RALYL: variants seen among roughly 807,000 people sequenced by gnomAD.
RALYL encodes RALY RNA binding protein like.
RALYL carries 29 observed loss-of-function variants against 35.1 expected under a neutral mutation model. That is an observed-to-expected ratio of 0.83 (90% confidence interval 0.61 to 1.13). The LOEUF (loss-of-function observed/expected upper bound fraction) is 1.13. RALYL is among the 50% of genes most tolerant of loss of function. The pLI is 0.00. For missense variants in RALYL, 359 were observed against 360.4 expected, an observed-to-expected ratio of 1.00 and a Z score of 0.03; for synonymous variants, 120 against 127.6, an observed-to-expected ratio of 0.94 and a Z score of 0.40.
In RALYL at chr8:84,771,295, T is replaced by C. The variant is rs574707885; in HGVS notation, c.257-3284T>C. 2.0e-5 allele frequency among the ~76,000 whole-genome samples: 3 copies of C among 152,204 alleles called. No homozygotes were observed. In the East Asian group the frequency reaches 5.8e-4, roughly 29 times the overall value. The stretch of plus-strand genomic sequence containing the variant: ...TGGTAAATATGCTACCATTTGTTTA[T>C]CCTATTAAAAATACAATGGGTATTT... On this transcript the variant is annotated intron_variant, in intron 2 of 8. Transcript: ENST00000521268.
intron 1 of RALYL, among the ~76,000 whole-genome samples, chr8:84,254,993 C>T (rs930762881): frequency 6.6e-6 from 1 of 152,006 alleles, no homozygotes; most frequent in South Asian, 2.1e-4. Flanking sequence ...ATCTCCACCT[C>T]GTCTCTCCCT....
intron 4 of RALYL, among the ~76,000 whole-genome samples, chr8:84,810,722 A>AT (rs538897044): frequency 3.7e-4 from 57 of 152,186 alleles, no homozygotes; most frequent in African/African-American, 1.3e-3. Flanking sequence ...TGGACAAGGT[A>AT]TTTTACCATT....
intron 1 of RALYL, among the ~76,000 whole-genome samples, chr8:84,338,852 A>AT (rs947280202): frequency 6.6e-6 from 1 of 152,118 alleles, no homozygotes; most frequent in African/African-American, 2.4e-5. Context: ...GAATATTATT[A>AT]TTTTCCAAAA....
At chr8:84,281,321 A>G (rs1311070225) in intron 1 of RALYL, among the ~76,000 whole-genome samples, 1 of 152,194 alleles carries the variant, frequency 6.6e-6, no homozygotes, top group African/African-American at 2.4e-5. Context: ...CAGTTTTGCT[A>G]AGTATCATCA....
chr8:84,724,813 A>G (rs955813501), intron 2 of RALYL, among the ~76,000 whole-genome samples: 4 of 151,786 alleles, frequency 2.6e-5, no homozygotes, highest in African/African-American at 9.7e-5. Context: ...CCAGATAATC[A>G]TCAAATCAAT....
chr8:84,849,342 C>A (rs1274735230), intron 4 of RALYL, among the ~76,000 whole-genome samples: 1 of 152,060 alleles, frequency 6.6e-6, no homozygotes, highest in Admixed American at 6.6e-5. Flanking sequence ...TTCCAAGGAA[C>A]CACATTTCTA....
chr8:84,617,206 G>T (rs997277606), intron 2 of RALYL, among the ~76,000 whole-genome samples: 1 of 151,396 alleles, frequency 6.6e-6, no homozygotes, highest in African/African-American at 2.5e-5. Flanking sequence ...TCACGATATT[G>T]ATTGTTCCTA....
At chr8:84,539,854 GTATA>G (rs1294869865) in intron 2 of RALYL, among the ~76,000 whole-genome samples, 3,744 of 24,072 alleles carry the variant, frequency 0.16, 118 homozygotes, top group Non-Finnish European at 0.26. Flanking sequence ...ATATATATAT[GTATA>G]TATATATATA....
chr8:84,709,335 C>T (rs1841762199), intron 2 of RALYL, among the ~76,000 whole-genome samples: 1 of 151,708 alleles, frequency 6.6e-6, no homozygotes, highest in Non-Finnish European at 1.5e-5. Context: ...CCTTGGGTGC[C>T]CATGGAGTTA....
intron 1 of RALYL, among the ~76,000 whole-genome samples, chr8:84,202,399 G>T (rs1817068544): frequency 2.5e-5 from 3 of 121,246 alleles, no homozygotes; most frequent in South Asian, 5.3e-4. Context: ...TTTGAGACAA[G>T]TCTTGCTCTG....
chr8:84,745,841 A>G (rs946779228), intron 2 of RALYL, among the ~76,000 whole-genome samples: 6 of 151,914 alleles, frequency 3.9e-5, no homozygotes, highest in African/African-American at 1.5e-4. Flanking sequence ...TATGACTTTC[A>G]TTCCTGTGTT....
chr8:84,868,931 AAT>A (rs1176407560), intron 6 of RALYL, among the ~76,000 whole-genome samples: 1 of 152,088 alleles, frequency 6.6e-6, no homozygotes, highest in African/African-American at 2.4e-5. Context: ...TAGCTTCAAA[AAT>A]TGTATTATGT....
chr8:84,504,256 G>T (rs972038925), intron 1 of RALYL, among the ~76,000 whole-genome samples: 6 of 152,030 alleles, frequency 3.9e-5, no homozygotes, highest in Non-Finnish European at 5.9e-5. Flanking sequence ...AATATAAAAG[G>T]AAATAACAAT....
intron 1 of RALYL, among the ~76,000 whole-genome samples, chr8:84,358,679 T>C (rs1852347325): frequency 6.6e-6 from 1 of 152,060 alleles, no homozygotes; most frequent in African/African-American, 2.4e-5. Flanking sequence ...GAAGTGCATA[T>C]GTGAGAAGAA....
chr8:84,459,131 G>A (rs1330188344), intron 1 of RALYL, among the ~76,000 whole-genome samples: 1 of 151,692 alleles, frequency 6.6e-6, no homozygotes, highest in Non-Finnish European at 1.5e-5. Flanking sequence ...TGAGTTTCTA[G>A]ATTGTATATG....
chr8:84,801,730 A>ATTGT (rs1554595116), intron 3 of RALYL, among the ~76,000 whole-genome samples: 9 of 152,284 alleles, frequency 5.9e-5, no homozygotes, highest in East Asian at 3.9e-4. Context: ...TGAAGTGTTT[A>ATTGT]TTGTTTAGTT....
At chr8:84,613,739 T>C (rs1818828809) in intron 2 of RALYL, among the ~76,000 whole-genome samples, 1 of 151,332 alleles carries the variant, frequency 6.6e-6, no homozygotes, top group South Asian at 2.1e-4. Flanking sequence ...CCCAACAACA[T>C]AGCTAAAGCA....
chr8:84,750,961 C>A (rs1018556219), intron 2 of RALYL, among the ~76,000 whole-genome samples: 1 of 152,068 alleles, frequency 6.6e-6, no homozygotes, highest in Non-Finnish European at 1.5e-5. Flanking sequence ...TTCTTCCCTG[C>A]ATTTATCTTG....
At chr8:84,480,430 T>C (rs1157661006) in intron 1 of RALYL, among the ~76,000 whole-genome samples, 1 of 152,178 alleles carries the variant, frequency 6.6e-6, no homozygotes, top group African/African-American at 2.4e-5. Flanking sequence ...AGGATTCCCT[T>C]AGGAAGACAA....
Sources: allele counts gnomAD v4.1 joint callset (sites outside exome capture counted in the v4.1 genomes callset), GRCh38; gene constraint gnomAD v4.1.1; transcripts MANE v1.5; gene names NCBI Gene and HGNC (gene_info 2026-07-23, HGNC 2026-07-21).